STON2: variants seen among roughly 807,000 people sequenced by gnomAD.
The protein encoded by STON2 is stonin-2.
In STON2, 29 loss-of-function variants were observed where a neutral mutation model predicts 65.7. The observed-to-expected ratio is 0.44, with a 90% CI of 0.33 to 0.60. The LOEUF is 0.60. STON2 is among the 20% of genes least tolerant of loss of function. The probability of loss-of-function intolerance (pLI) is 0.03; values close to 1 mark genes in which losing one functional copy is unlikely to be tolerated. For synonymous variants in STON2, 404 were observed against 414.2 expected, an observed-to-expected ratio of 0.98 and a Z score of 0.30; for missense variants, 1,054 against 1,118.1, an observed-to-expected ratio of 0.94 and a Z score of 0.82.
chr14:81,267,834 C>T lies in STON2; in HGVS notation c.*580G>A. 3.0e-6 allele frequency: 3 copies of T among 985,404 alleles called. No individual in the cohort carries two copies. The highest frequency in any genetic ancestry group is 3.6e-6 in the Non-Finnish European group (3 of 829,946). 61.0% of individuals were successfully genotyped at this position (985,404 alleles called of 1,614,324 possible). A position where few individuals can be genotyped will look rare whatever the true frequency, so the allele number is the denominator to read the frequency against. ...GAAAAAGTGTTCCAATCTAAACGAT[C>T]TAGAGCCAGGAGGGAAATGTCTTGA... On this transcript the variant is annotated 3_prime_UTR_variant, in exon 8 of 8. Coordinates refer to ENST00000614646, the MANE Select transcript of STON2 (RefSeq NM_001394390.1).
intron 7 of STON2, chr14:81,269,605 C>T (rs1395921310): frequency 1.1e-5 from 11 of 985,172 alleles, no homozygotes; most frequent in Non-Finnish European, 1.1e-5. Context: ...TTTTCCTAGC[C>T]ACAAGATGGA....
At chr14:81,395,825 T>G in intron 3 of STON2, 69 bp downstream of exon 3, 1 of 1,527,688 alleles carries the variant, frequency 6.5e-7, no homozygotes, top group Non-Finnish European at 9.0e-7. Context: ...CTGGCAGCCC[T>G]ATAGACCTCT....
chr14:81,341,469 T>TTTTTTC (rs149759275), intron 4 of STON2, among the ~76,000 whole-genome samples: 1 of 148,180 alleles, frequency 6.7e-6, no homozygotes, highest in African/African-American at 2.6e-5. Context: ...TTTTTTTTTT[T>TTTTTTC]CCCAAAAGTC....
chr14:81,415,651 A>C (rs1399637959), intron 2 of STON2, among the ~76,000 whole-genome samples: 1 of 136,246 alleles, frequency 7.3e-6, no homozygotes, highest in African/African-American at 3.0e-5. Flanking sequence ...GCCTGGCAAC[A>C]GAGTGAGACT....
chr14:81,417,853 G>A (rs1313806458), intron 2 of STON2, among the ~76,000 whole-genome samples: 9 of 152,116 alleles, frequency 5.9e-5, no homozygotes, highest in Non-Finnish European at 8.8e-5. Context: ...TTAGACCCTC[G>A]GGTGACAGAG....
chr14:81,284,100 C>A (rs79354453), intron 5 of STON2, among the ~76,000 whole-genome samples: 77 of 152,310 alleles, frequency 5.1e-4, no homozygotes, highest in Non-Finnish European at 9.7e-4. Flanking sequence ...CACAGTCTGG[C>A]CATTCCCCTA....
intron 5 of STON2, among the ~76,000 whole-genome samples, chr14:81,302,924 T>C (rs1896022090): frequency 6.6e-6 from 1 of 152,188 alleles, no homozygotes; most frequent in African/African-American, 2.4e-5. Flanking sequence ...CTATAATTAA[T>C]GTAAGGCACT....
chr14:81,326,665 T>C lies in STON2; in HGVS notation c.572-2478A>G, dbSNP rs146856831. ...GAAATAGCTTCCCCTGCCTGCCTCC[T>C]TAGAATTAAAAGGTCATTTGAGGAA... On this transcript the variant is annotated intron_variant, in intron 4 of 7. Coordinates refer to ENST00000614646, the MANE Select transcript of STON2 (RefSeq NM_001394390.1). Among the ~76,000 whole-genome samples the C allele has an allele frequency of 1.2e-4, 19 of 152,310 alleles. No homozygotes were observed. In the East Asian group the frequency reaches 2.3e-3, roughly 19 times the overall value.
In STON2 at chr14:81,265,765, CAAA is replaced by C. The variant is rs1045395101; in HGVS notation, c.*2646_*2648del. The C allele has an allele frequency of 5.1e-6, 5 of 983,068 alleles. No individual in the cohort carries two copies. In the African/African-American group the frequency reaches 7.1e-5, roughly 14 times the overall value. 60.9% of individuals were successfully genotyped at this position (983,068 alleles called of 1,614,324 possible). The stretch of plus-strand genomic sequence containing the variant: ...TTTTCCCAACTCTTGGTAAAAAAAA[CAAA>C]AAAGTCCAGGTGCATGTACACAGGA... On this transcript the variant is annotated 3_prime_UTR_variant, in exon 8 of 8. Transcript: ENST00000614646.
chr14:81,288,009 G>A (rs1261892159), intron 5 of STON2, among the ~76,000 whole-genome samples: 5 of 152,178 alleles, frequency 3.3e-5, no homozygotes, highest in South Asian at 2.1e-4. Flanking sequence ...CTCACGCCGA[G>A]GGCAGGGATA....
intron 3 of STON2, among the ~76,000 whole-genome samples, chr14:81,377,991 G>C (rs1284914183): frequency 6.6e-6 from 1 of 152,016 alleles, no homozygotes; most frequent in Non-Finnish European, 1.5e-5. Flanking sequence ...GGGATTACAA[G>C]CATGTACCAC....
intron 1 of STON2, among the ~76,000 whole-genome samples, chr14:81,434,741 G>A (rs143602638): frequency 0.013 from 1,916 of 152,174 alleles, 24 homozygotes; most frequent in South Asian, 0.042. Flanking sequence ...AAGCAGGTCC[G>A]CTACATGTCG....
intron 5 of STON2, 148 bp from the exon 6 acceptor site, chr14:81,278,887 T>G: frequency 1.7e-6 from 1 of 579,820 alleles, no homozygotes; most frequent in East Asian, 2.9e-5. Context: ...GTGCTTAGTC[T>G]GGGCATAGAT....
chr14:81,344,744 T>C (rs972109574), intron 4 of STON2, among the ~76,000 whole-genome samples: 2 of 152,186 alleles, frequency 1.3e-5, no homozygotes, highest in African/African-American at 4.8e-5. Flanking sequence ...AATTCTCCAC[T>C]CTCAACACTA....
At position 81,422,131 on chromosome 14, in the gene STON2, T is replaced by A. The variant is rs117328213; in HGVS notation, c.-199+4971A>T. Among the ~76,000 whole-genome samples the A allele has an allele frequency of 9.5e-3, 1,449 of 152,234 alleles. 13 individuals are homozygous for A. The highest frequency in any genetic ancestry group is 0.016 in the Non-Finnish European group (1,065 of 68,000). ...TTGTTTGGCCCTGCCAAGTCTCCTG[T>A]TGTAGTTTGATCCCCAGTGTTGGTG... On this transcript the variant is annotated intron_variant, in intron 2 of 8. Coordinates refer to the STON2 transcript ENST00000553821.
Position 81,277,979 on chromosome 14 carries a change from C to T in STON2, c.1503G>A (p.Arg501=). The T allele has an allele frequency of 6.2e-7, 1 of 1,614,156 alleles. No individual in the cohort carries two copies. Among genetic ancestry groups the T allele is most frequent in the East Asian group, 2.2e-5 (1 of 44,866 alleles). Residue 501 remains arginine (R), a synonymous_variant, in exon 6 of 8, where the codon AGG becomes AGA. Transcript: ENST00000614646. ...GTTTGACGAAGATCGGTCCCCAGTG[C>T]CTGGAGGACATGATGTTTTTCTTCT... ...IPEKKNIMSS[R]HWGPIFVKLT...
intron 1 of STON2, among the ~76,000 whole-genome samples, chr14:81,435,196 C>G (rs777334663): frequency 3.3e-4 from 50 of 152,140 alleles, no homozygotes; most frequent in Admixed American, 1.2e-3. Flanking sequence ...TCCAATGGAT[C>G]GGTTTTTTAC....
At chr14:81,320,058 C>A (rs1448580370) in intron 5 of STON2, among the ~76,000 whole-genome samples, 1 of 152,142 alleles carries the variant, frequency 6.6e-6, no homozygotes, top group East Asian at 1.9e-4. Flanking sequence ...GCTAGGCCCA[C>A]TCAAGTGTCT....
chr14:81,424,972 T>C (rs1017368822), intron 2 of STON2, among the ~76,000 whole-genome samples: 2 of 152,258 alleles, frequency 1.3e-5, no homozygotes, highest in African/African-American at 2.4e-5. Context: ...CACTGTTACA[T>C]ACATTTGGTC....
Sources: gnomAD v4.1 joint callset for allele counts (sites outside exome capture counted in the v4.1 genomes callset) on GRCh38, gnomAD v4.1.1 for gene constraint, MANE v1.5 for transcripts, NCBI Gene and HGNC (gene_info 2026-07-23, HGNC 2026-07-21) for gene names.